The following PLXDC2 variants were observed in gnomAD, a reference collection of about 807,000 sequenced individuals.
PLXDC2 encodes the protein plexin domain-containing protein 2.
In PLXDC2, 40 loss-of-function variants were observed where a neutral mutation model predicts 68.9. That is an observed-to-expected ratio of 0.58 (90% CI 0.45 to 0.76). The LOEUF is 0.76. Among genes scored for constraint, PLXDC2 ranks in the 30% least tolerant of loss-of-function variants. The pLI, the probability that PLXDC2 is intolerant of heterozygous loss-of-function variation, is 0.00. For missense variants in PLXDC2, 644 were observed against 661.9 expected, an observed-to-expected ratio of 0.97 and a Z score of 0.30; for synonymous variants, 243 against 234.2, an observed-to-expected ratio of 1.04 and a Z score of -0.34.
At chr10:20,090,293 A>C (rs1234553211) in intron 4 of PLXDC2, among the ~76,000 whole-genome samples, 1 of 152,104 alleles carries the variant, frequency 6.6e-6, no homozygotes, top group African/African-American at 2.4e-5. Context: ...AGTAACAGCA[A>C]CTCTTTCTCA....
At chr10:19,851,004 C>G (rs1424556693) in intron 1 of PLXDC2, among the ~76,000 whole-genome samples, 2 of 152,066 alleles carry the variant, frequency 1.3e-5, no homozygotes, top group Admixed American at 6.5e-5. Flanking sequence ...ATCACAAGAC[C>G]TACTTCTTGC....
At chr10:20,075,475 A>G (rs1477443333) in intron 4 of PLXDC2, among the ~76,000 whole-genome samples, 1 of 152,114 alleles carries the variant, frequency 6.6e-6, no homozygotes, top group African/African-American at 2.4e-5. Context: ...CAGGTGTGAG[A>G]CACTGCGCCA....
At chr10:20,029,702 A>C (rs1459032694) in intron 2 of PLXDC2, among the ~76,000 whole-genome samples, 3 of 152,226 alleles carry the variant, frequency 2.0e-5, no homozygotes, top group African/African-American at 4.8e-5. Context: ...TATAGATCGG[A>C]AAGAGAATAT....
chr10:20,238,908 A>T (rs1475463073), intron 12 of PLXDC2, among the ~76,000 whole-genome samples: 2 of 151,638 alleles, frequency 1.3e-5, no homozygotes, highest in African/African-American at 4.8e-5. Context: ...ACTGGGTCAG[A>T]TTAGAGTATA....
chr10:19,873,406 CTTTTTTTTT>C (rs1049862345), intron 1 of PLXDC2, among the ~76,000 whole-genome samples: 1 of 115,660 alleles, frequency 8.6e-6, no homozygotes, highest in African/African-American at 3.2e-5. Flanking sequence ...TCTTCTTCGT[CTTTTTTTTT>C]TTTTTTTTTT....
At chr10:20,110,531 A>G (rs1833545786) in intron 4 of PLXDC2, among the ~76,000 whole-genome samples, 1 of 152,052 alleles carries the variant, frequency 6.6e-6, no homozygotes, top group South Asian at 2.1e-4. Context: ...TGATTTCTGT[A>G]ATGCCATCTT....
rs11011824 is a variant in PLXDC2 at position 20,143,482 on chromosome 10, G to A, written c.664+65G>A. The A allele has an allele frequency of 0.025, 40,339 of 1,591,204 alleles. 3,838 individuals carry two copies. In the East Asian group the frequency reaches 0.38, roughly 15 times the overall value. ...TTTAAACCTCAAGCATCAGATTCAT[G>A]TTAATGTTTTTGTAAACTGTTTATT... On this transcript the variant is annotated intron_variant, in intron 5 of 13. Transcript: ENST00000377252.
intron 4 of PLXDC2, among the ~76,000 whole-genome samples, chr10:20,069,735 G>A (rs1836284095): frequency 6.6e-6 from 1 of 152,150 alleles, no homozygotes; most frequent in East Asian, 1.9e-4. Context: ...AGGGGTTGAG[G>A]CAGGAGGATC....
chr10:19,981,204 CTG>C (rs1834544571), intron 1 of PLXDC2, among the ~76,000 whole-genome samples: 1 of 152,122 alleles, frequency 6.6e-6, no homozygotes, highest in Non-Finnish European at 1.5e-5. Context: ...TAGTTGCTCT[CTG>C]TTTCTGTGTT....
chr10:20,183,942 A>C (rs1207025618), intron 9 of PLXDC2, among the ~76,000 whole-genome samples: 1 of 151,888 alleles, frequency 6.6e-6, no homozygotes, highest in Non-Finnish European at 1.5e-5. Context: ...TCCACCTCAT[A>C]TTTTCTTTGA....
At chr10:19,884,066 A>ATT (rs112223327) in intron 1 of PLXDC2, among the ~76,000 whole-genome samples, 27 of 133,332 alleles carry the variant, frequency 2.0e-4, no homozygotes, top group Admixed American at 1.0e-3. Context: ...TAATTTTTGT[A>ATT]TTTTTTTTTT....
chr10:19,945,438 T>C (rs1483132517), intron 1 of PLXDC2, among the ~76,000 whole-genome samples: 1 of 152,212 alleles, frequency 6.6e-6, no homozygotes, highest in African/African-American at 2.4e-5. Flanking sequence ...ACCTTCAATT[T>C]GTTTGGAATT....
At chr10:20,018,886 A>C (rs2131654295) in intron 2 of PLXDC2, among the ~76,000 whole-genome samples, 1 of 152,318 alleles carries the variant, frequency 6.6e-6, no homozygotes, top group South Asian at 2.1e-4. Flanking sequence ...TATGAACACC[A>C]CATATGTGGA....
chr10:19,977,931 A>G (rs759501882), intron 1 of PLXDC2, among the ~76,000 whole-genome samples: 2 of 152,078 alleles, frequency 1.3e-5, no homozygotes, highest in East Asian at 3.9e-4. Flanking sequence ...AGTTAATAGC[A>G]CCTGGTGTCT....
intron 1 of PLXDC2, among the ~76,000 whole-genome samples, chr10:19,989,104 A>G (rs1834702036): frequency 6.6e-6 from 1 of 152,064 alleles, no homozygotes. Context: ...CTGGCCTAAT[A>G]CCACATTTAG....
At chr10:20,131,394 A>G (rs1201078564) in intron 4 of PLXDC2, among the ~76,000 whole-genome samples, 1 of 151,138 alleles carries the variant, frequency 6.6e-6, no homozygotes, top group Non-Finnish European at 1.5e-5. Context: ...CTCTTCTTTC[A>G]CTTATAATTT....
chr10:19,945,350 T>C (rs939540947), intron 1 of PLXDC2, among the ~76,000 whole-genome samples: 2 of 152,156 alleles, frequency 1.3e-5, no homozygotes, highest in Admixed American at 1.3e-4. Context: ...TGAGACAATT[T>C]AAAAAATCTT....
intron 1 of PLXDC2, among the ~76,000 whole-genome samples, chr10:19,841,581 T>A (rs1490491217): frequency 6.7e-6 from 1 of 149,832 alleles, no homozygotes; most frequent in African/African-American, 2.5e-5. Context: ...TGTCTATCTA[T>A]CATCTTTTCC....
chr10:20,067,869 G>T (rs1836240019), intron 3 of PLXDC2, among the ~76,000 whole-genome samples: 1 of 152,160 alleles, frequency 6.6e-6, no homozygotes, highest in Non-Finnish European at 1.5e-5. Flanking sequence ...TATTTTGGAG[G>T]AACTAGTCAA....
Sources: allele counts gnomAD v4.1 joint callset (sites outside exome capture counted in the v4.1 genomes callset), GRCh38; gene constraint gnomAD v4.1.1; transcripts MANE v1.5; gene names NCBI Gene and HGNC (gene_info 2026-07-23, HGNC 2026-07-21).